Variants in RUNX1T1 observed in about 807,000 individuals in gnomAD.
The protein encoded by RUNX1T1 is protein CBFA2T1.
RUNX1T1 carries 4 observed loss-of-function variants against 62.8 expected under a neutral mutation model. The observed-to-expected ratio is 0.06, with a 90% CI of 0.03 to 0.15. RUNX1T1 has a LOEUF of 0.15. Among genes scored for constraint, RUNX1T1 ranks in the 10% least tolerant of loss-of-function variants. The probability of loss-of-function intolerance (pLI) is 1.00; values close to 1 mark genes in which losing one functional copy is unlikely to be tolerated. For missense variants in RUNX1T1, 508 were observed against 754.3 expected (o/e 0.67, Z 3.82); for synonymous variants, 291 against 286.0 (o/e 1.02, Z -0.18).
At chr8:92,045,397 T>G (rs899054437) in intron 1 of RUNX1T1, among the ~76,000 whole-genome samples, 2 of 152,208 alleles carry the variant, frequency 1.3e-5, no homozygotes, top group African/African-American at 4.8e-5. Flanking sequence ...GTAGGCAAGA[T>G]GGATCCTACT....
upstream of RUNX1T1, chr8:92,103,020 C>A: frequency 1.1e-6 from 1 of 884,278 alleles, no homozygotes; most frequent in Non-Finnish European, 1.5e-6. Flanking sequence ...GCGCTCGCCA[C>A]GAGACCGCGG....
chr8:92,102,971 C>T, upstream of RUNX1T1: 1 of 1,418,368 alleles, frequency 7.1e-7, no homozygotes, highest in Non-Finnish European at 9.3e-7. The surrounding 1 kb of genome is among the most constrained non-coding windows in gnomAD (Gnocchi z 4.5). Flanking sequence ...GCGCGGCTTC[C>T]CTCGCGAGGC....
upstream of RUNX1T1, chr8:92,102,800 G>A (rs1838099910): frequency 3.4e-6 from 5 of 1,474,356 alleles, no homozygotes; most frequent in South Asian, 1.3e-5. This position sits in a 1 kb window ranked among gnomAD's most constrained non-coding sequence, Gnocchi z 4.5. Flanking sequence ...ATTAATAACA[G>A]TCAGGGGCCC....
chr8:92,088,249 A>G (rs1173670666), intron 1 of RUNX1T1, among the ~76,000 whole-genome samples: 1 of 152,206 alleles, frequency 6.6e-6, no homozygotes, highest in African/African-American at 2.4e-5. Context: ...CAATCCCAAT[A>G]TCATCTGCTG....
chr8:91,975,942 C>T (rs780217648), exon 9 of RUNX1T1: 21 of 1,613,680 alleles, frequency 1.3e-5, no homozygotes, highest in East Asian at 6.7e-5. Flanking sequence ...CGTATCCAGA[C>T]GCAGGCCTGT....
At chr8:91,985,816 T>C (rs1816440389) in intron 8 of RUNX1T1, among the ~76,000 whole-genome samples, 2 of 152,176 alleles carry the variant, frequency 1.3e-5, no homozygotes. Context: ...AGATTGTTTT[T>C]GCTGTTTTGA....
At chr8:91,976,853 T>C (rs923866003) in intron 8 of RUNX1T1, among the ~76,000 whole-genome samples, 2 of 152,186 alleles carry the variant, frequency 1.3e-5, no homozygotes, top group Non-Finnish European at 2.9e-5. Context: ...CCTCCTTATA[T>C]AGAAGAGTTC....
chr8:92,095,575 A>T (rs1837671742), intron 1 of RUNX1T1: 1 of 1,443,956 alleles, frequency 6.9e-7, no homozygotes. Context: ...AAATAAACAG[A>T]GGGTGCGTGT....
At chr8:91,955,747 G>GA (rs1359531750), downstream of RUNX1T1, 5 of 225,274 alleles carry the variant, frequency 2.2e-5, no homozygotes, top group African/African-American at 1.1e-4. Context: ...ACATTCAGAG[G>GA]AAACAGGAAT....
At chr8:92,057,986 T>C (rs1188231208) in intron 1 of RUNX1T1, among the ~76,000 whole-genome samples, 1 of 152,138 alleles carries the variant, frequency 6.6e-6, no homozygotes, top group Admixed American at 6.5e-5. Context: ...TGAGATCCAA[T>C]CTGCAGCAAG....
chr8:91,992,726 G>A (rs1023954668), intron 5 of RUNX1T1, among the ~76,000 whole-genome samples: 2 of 152,138 alleles, frequency 1.3e-5, no homozygotes, highest in Non-Finnish European at 2.9e-5. Context: ...TACCCAGAGA[G>A]CTAATGTATC....
At chr8:92,019,828 T>C (rs866475998) in intron 1 of RUNX1T1, among the ~76,000 whole-genome samples, 2 of 145,994 alleles carry the variant, frequency 1.4e-5, no homozygotes, top group African/African-American at 5.2e-5. Context: ...CTGAATATTG[T>C]CTTGGTCCAC....
upstream of RUNX1T1, among the ~76,000 whole-genome samples, chr8:92,064,052 A>G (rs894297466): frequency 2.6e-5 from 4 of 152,136 alleles, no homozygotes; most frequent in African/African-American, 9.7e-5. Context: ...ACTACTTGCT[A>G]TCTCCAAAAA....
At chr8:92,079,038 C>T (rs1385860712) in intron 1 of RUNX1T1, among the ~76,000 whole-genome samples, 1 of 152,188 alleles carries the variant, frequency 6.6e-6, no homozygotes, top group African/African-American at 2.4e-5. Flanking sequence ...TTCCCCATTA[C>T]TGTATTTCTC....
intron 1 of RUNX1T1, among the ~76,000 whole-genome samples, chr8:92,082,901 AAGG>A (rs1563923290): frequency 1.4e-5 from 2 of 143,526 alleles, no homozygotes; most frequent in Non-Finnish European, 2.9e-5. Flanking sequence ...GGAGGGAGAG[AAGG>A]AGGAGGGAGA....
intron 2 of RUNX1T1, among the ~76,000 whole-genome samples, chr8:92,074,346 T>C (rs1228737710): frequency 2.6e-5 from 4 of 152,192 alleles, no homozygotes; most frequent in South Asian, 2.1e-4. Context: ...CAGAAAGGAA[T>C]AGATTGTGAT....
chr8:92,046,393 T>A (rs146003016), intron 1 of RUNX1T1, among the ~76,000 whole-genome samples: 3 of 152,254 alleles, frequency 2.0e-5, no homozygotes, highest in Admixed American at 6.5e-5. Context: ...AAAATCTCAC[T>A]ATGTCACCCA....
intron 4 of RUNX1T1, among the ~76,000 whole-genome samples, chr8:92,008,858 T>C (rs1441541642): frequency 6.6e-6 from 1 of 152,190 alleles, no homozygotes; most frequent in Admixed American, 6.5e-5. Context: ...ACTATAGAAA[T>C]TGGGTGTGGT....
intron 5 of RUNX1T1, chr8:92,003,328 A>T (rs2131003407): frequency 2.2e-6 from 1 of 456,230 alleles, no homozygotes; most frequent in Admixed American, 2.3e-5. Flanking sequence ...GATAGTCAAA[A>T]GTCACAATAC....
Sources: gnomAD v4.1 joint callset for allele counts (sites outside exome capture counted in the v4.1 genomes callset) on GRCh38, gnomAD v4.1.1 for gene constraint, Gnocchi (gnomAD v3.1) non-coding constraint, MANE v1.5 for transcripts, NCBI Gene and HGNC (gene_info 2026-07-23, HGNC 2026-07-21) for gene names.